Variants in BACH2 observed in about 807,000 individuals in gnomAD.
BACH2 encodes the protein BACH transcriptional regulator 2, also known as transcription regulator protein BACH2.
In BACH2, 5 loss-of-function variants were observed where a neutral mutation model predicts 61.8. That is an observed-to-expected ratio of 0.08 (90% CI 0.04 to 0.17). The LOEUF is 0.17. Among genes scored for constraint, BACH2 ranks in the 10% least tolerant of loss-of-function variants. The pLI, the probability that BACH2 is intolerant of heterozygous loss-of-function variation, is 1.00. For synonymous variants in BACH2, 446 were observed against 440.1 expected (o/e 1.01, Z -0.17); for missense variants, 824 against 1,091.1 (o/e 0.76, Z 3.45).
At chr6:90,013,546 G>A (rs1224761615) in intron 5 of BACH2, among the ~76,000 whole-genome samples, 12 of 129,456 alleles carry the variant, frequency 9.3e-5, no homozygotes, top group Non-Finnish European at 1.4e-4. Flanking sequence ...TCGCTCTGTC[G>A]CCCAGGCTGG....
intron 5 of BACH2, among the ~76,000 whole-genome samples, chr6:90,053,352 T>A (rs1350916761): frequency 6.6e-6 from 1 of 152,174 alleles, no homozygotes; most frequent in Non-Finnish European, 1.5e-5. Context: ...TGATCAAGGC[T>A]CACTGCAGTC....
chr6:90,061,833 G>C (rs1185104051), intron 5 of BACH2, among the ~76,000 whole-genome samples: 3 of 152,162 alleles, frequency 2.0e-5, no homozygotes, highest in African/African-American at 7.2e-5. Context: ...GGTGGTCATT[G>C]GTAGCTTTGA....
chr6:90,158,000 CGTTA>C (rs1260999848), intron 4 of BACH2, among the ~76,000 whole-genome samples: 1 of 151,942 alleles, frequency 6.6e-6, no homozygotes, highest in East Asian at 1.9e-4. Context: ...GTCATGAGAG[CGTTA>C]ACTGAGGGGG....
chr6:90,174,159 A>G (rs1485435044), intron 4 of BACH2, among the ~76,000 whole-genome samples: 8 of 152,130 alleles, frequency 5.3e-5, no homozygotes, highest in Non-Finnish European at 1.0e-4. Context: ...ATTTATGAAC[A>G]TAAATGCAAA....
At chr6:89,995,711 G>A (rs1228576755) in intron 6 of BACH2, among the ~76,000 whole-genome samples, 1 of 152,076 alleles carries the variant, frequency 6.6e-6, no homozygotes, top group Non-Finnish European at 1.5e-5. Flanking sequence ...ACAATACGTG[G>A]CACTAGATTA....
At chr6:90,253,812 G>C (rs1369732777) in intron 2 of BACH2, among the ~76,000 whole-genome samples, 1 of 152,162 alleles carries the variant, frequency 6.6e-6, no homozygotes, top group Non-Finnish European at 1.5e-5. Flanking sequence ...TGGTTACACA[G>C]AGGCCTTAGT....
At chr6:89,988,726 A>G (rs1776377083) in intron 6 of BACH2, among the ~76,000 whole-genome samples, 1 of 152,222 alleles carries the variant, frequency 6.6e-6, no homozygotes, top group Admixed American at 6.5e-5. Context: ...TCCAATACAT[A>G]TCTATTATTT....
intron 6 of BACH2, among the ~76,000 whole-genome samples, chr6:89,992,034 A>G (rs1716963786): frequency 6.6e-6 from 1 of 152,184 alleles, no homozygotes; most frequent in African/African-American, 2.4e-5. Context: ...GACTACTTAA[A>G]ACATTTAATT....
At chr6:89,965,550 C>T (rs1231553668) in intron 6 of BACH2, among the ~76,000 whole-genome samples, 3 of 152,204 alleles carry the variant, frequency 2.0e-5, no homozygotes, top group African/African-American at 7.2e-5. Flanking sequence ...AAAGCATGTG[C>T]CTTGTACACC....
intron 2 of BACH2, among the ~76,000 whole-genome samples, chr6:90,271,375 AAAAAAAAG>A (rs1462899988): frequency 2.7e-5 from 4 of 150,658 alleles, no homozygotes; most frequent in Non-Finnish European, 4.4e-5. Context: ...TTAAAAAAAA[AAAAAAAAG>A]AAAAAAGAAA....
intron 5 of BACH2, among the ~76,000 whole-genome samples, chr6:90,023,024 C>T (rs769157683): frequency 3.3e-5 from 5 of 152,126 alleles, no homozygotes; most frequent in South Asian, 2.1e-4. Context: ...ATTCATATAA[C>T]GGAACAAAGC....
In BACH2 at chr6:90,008,251, T is replaced by C; in HGVS notation, c.243+351A>G. The stretch of plus-strand genomic sequence containing the variant: ...CTCTCAAGGGAAATCTAGTGATCCT[T>C]ACACCATCTGAAAGACAGAAATCAT... On this transcript the variant is annotated intron_variant, in intron 6 of 8. Coordinates refer to ENST00000257749, the MANE Select transcript of BACH2 (RefSeq NM_021813.4). This position sits in a 1 kb window ranked among gnomAD's most constrained non-coding sequence, Gnocchi z 4.1. 2 of 304,152 alleles carry C rather than the reference T, an allele frequency of 6.6e-6. No homozygotes were observed. Among genetic ancestry groups the C allele is most frequent in the Non-Finnish European group, 1.2e-5 (2 of 160,516 alleles). 18.8% of individuals were successfully genotyped at this position (304,152 alleles called of 1,614,324 possible). A position where few individuals can be genotyped will look rare whatever the true frequency, so the allele number is the denominator to read the frequency against.
At chr6:89,996,328 G>C (rs1401501572) in intron 6 of BACH2, among the ~76,000 whole-genome samples, 1 of 152,192 alleles carries the variant, frequency 6.6e-6, no homozygotes, top group Non-Finnish European at 1.5e-5. Flanking sequence ...CTCTCTGTCT[G>C]TGGTGGGTTG....
chr6:89,938,016 C>G, intron 8 of BACH2, 128 bp downstream of exon 8: 2 of 844,384 alleles, frequency 2.4e-6, no homozygotes, highest in South Asian at 3.3e-5. Flanking sequence ...TGAGAAACTT[C>G]TTAAAAAATA....
At chr6:90,090,049 G>A (rs1014437097) in intron 4 of BACH2, among the ~76,000 whole-genome samples, 2 of 152,070 alleles carry the variant, frequency 1.3e-5, no homozygotes, top group African/African-American at 4.8e-5. Context: ...GGGATTGTGG[G>A]CCAGTATTCT....
rs142525230 is a variant in BACH2 at position 90,195,222 on chromosome 6, CCTT to C, written c.-162+11344_-162+11346del. On this transcript the variant is annotated intron_variant, in intron 4 of 8. Coordinates refer to ENST00000257749, the MANE Select transcript of BACH2 (RefSeq NM_021813.4). ...CCCCATCTCTTTTCCTCTCTCTCCT[CCTT>C]GTCTCTTTGTTGTGAATGTCAGGGC... Among the ~76,000 whole-genome samples the C allele has an allele frequency of 6.6e-3, 1,006 of 152,252 alleles. 14 individuals carry two copies. The highest frequency in any genetic ancestry group is 0.023 in the African/African-American group (952 of 41,550).
intron 4 of BACH2, among the ~76,000 whole-genome samples, chr6:90,163,163 C>T (rs1320084102): frequency 3.9e-5 from 6 of 152,122 alleles, no homozygotes; most frequent in African/African-American, 7.2e-5. Flanking sequence ...GAAAATATCT[C>T]GTGGCAGTAG....
At chr6:90,021,656 T>C (rs1188100688) in intron 5 of BACH2, among the ~76,000 whole-genome samples, 2 of 152,208 alleles carry the variant, frequency 1.3e-5, no homozygotes, top group African/African-American at 2.4e-5. Flanking sequence ...AGTTTTCAAG[T>C]CTATAGACAT....
intron 7 of BACH2, among the ~76,000 whole-genome samples, chr6:89,948,110 G>A: frequency 6.6e-6 from 1 of 152,086 alleles, no homozygotes; most frequent in Admixed American, 6.5e-5. Context: ...TGGCGGCGAG[G>A]GTGGGGGGAC....
Sources: gnomAD v4.1 joint callset for allele counts (sites outside exome capture counted in the v4.1 genomes callset) on GRCh38, gnomAD v4.1.1 for gene constraint, Gnocchi (gnomAD v3.1) non-coding constraint, MANE v1.5 for transcripts, NCBI Gene and HGNC (gene_info 2026-07-23, HGNC 2026-07-21) for gene names.